ITFG1: variants seen among roughly 807,000 people sequenced by gnomAD.
ITFG1 encodes T-cell immunomodulatory protein.
ITFG1 carries 34 observed loss-of-function variants against 81.8 expected under a neutral mutation model. The ratio of observed to expected loss-of-function variants is 0.42; its 90% CI spans 0.32 to 0.55. The LOEUF (loss-of-function observed/expected upper bound fraction) is 0.55. Among genes scored for constraint, ITFG1 ranks in the 20% least tolerant of loss-of-function variants. The pLI is 0.17. For synonymous variants in ITFG1, 285 were observed against 270.6 expected, an observed-to-expected ratio of 1.05 and a Z score of -0.52; for missense variants, 672 against 755.4, an observed-to-expected ratio of 0.89 and a Z score of 1.29.
At chr16:47,330,943 A>G (rs1010563079) in intron 8 of ITFG1, among the ~76,000 whole-genome samples, 3 of 152,174 alleles carry the variant, frequency 2.0e-5, no homozygotes, top group Non-Finnish European at 4.4e-5. Flanking sequence ...AAAGAGAACT[A>G]CCATTCTACC....
At chr16:47,347,178 G>A (rs1567468646) in intron 8 of ITFG1, among the ~76,000 whole-genome samples, 1 of 152,226 alleles carries the variant, frequency 6.6e-6, no homozygotes, top group Non-Finnish European at 1.5e-5. Flanking sequence ...ATCTCACTGG[G>A]GCTTGTCGGA....
chr16:47,282,733 T>G (rs779850835), intron 10 of ITFG1, among the ~76,000 whole-genome samples: 2 of 152,184 alleles, frequency 1.3e-5, no homozygotes, highest in Admixed American at 1.3e-4. Flanking sequence ...TGGCCCCTTT[T>G]CTCCACATCC....
At chr16:47,187,850 C>T (rs1426663716) in intron 14 of ITFG1, among the ~76,000 whole-genome samples, 13 of 152,170 alleles carry the variant, frequency 8.5e-5, no homozygotes, top group East Asian at 3.9e-4. Context: ...AGAAAATCTT[C>T]GCAACCTACT....
intron 6 of ITFG1, among the ~76,000 whole-genome samples, chr16:47,408,698 A>C (rs1329798484): frequency 6.6e-6 from 1 of 152,192 alleles, no homozygotes; most frequent in East Asian, 1.9e-4. Flanking sequence ...CACAGCTGAG[A>C]TCTTATCTTG....
intron 8 of ITFG1, among the ~76,000 whole-genome samples, chr16:47,353,679 A>G (rs1015525179): frequency 6.6e-6 from 1 of 152,184 alleles, no homozygotes; most frequent in Non-Finnish European, 1.5e-5. Flanking sequence ...TAGAATTAAT[A>G]AATGAATTCA....
In ITFG1 at chr16:47,459,120, T is replaced by C; in HGVS notation, c.264A>G (p.Lys88=). The C allele has an allele frequency of 1.3e-6, 2 of 1,592,954 alleles. No homozygotes were observed. Among genetic ancestry groups the C allele is most frequent in the Non-Finnish European group, 1.7e-6 (2 of 1,161,028 alleles). The change falls in exon 2 of 18, where the codon AAA becomes AAG. Residue 88 remains lysine (K), a synonymous_variant. Coordinates refer to ENST00000320640, the MANE Select transcript of ITFG1 (RefSeq NM_030790.5). ...GTACTTACTTGAAAGATACCTTTAC[T>C]TTGGGTTTAAAATAGGGTGCATTCT... ...ADQNAPYFKP[K]VKVSFKNHSA...
Position 47,443,596 on chromosome 16 carries a change from TG to T in ITFG1, c.560+7799del, listed in dbSNP as rs754823244. Among the ~76,000 whole-genome samples the T allele has an allele frequency of 2.0e-5, 3 of 152,246 alleles. No individual in the cohort carries two copies. In the South Asian group the frequency reaches 6.2e-4, roughly 32 times the overall value. On this transcript the variant is annotated intron_variant, in intron 5 of 17. Coordinates refer to ENST00000320640, the MANE Select transcript of ITFG1 (RefSeq NM_030790.5). ...AAAAATGATGAGTTCATGTCCTTTG[TG>T]GGGACATGGATGAAGCTGGAAACCA...
intron 8 of ITFG1, among the ~76,000 whole-genome samples, chr16:47,361,812 G>A (rs1968113306): frequency 6.6e-6 from 1 of 152,086 alleles, no homozygotes; most frequent in Non-Finnish European, 1.5e-5. Context: ...ATCTGCCGAT[G>A]GTTTCTGACC....
chr16:47,336,689 C>T (rs1013552043), intron 8 of ITFG1, among the ~76,000 whole-genome samples: 2 of 152,122 alleles, frequency 1.3e-5, no homozygotes, highest in African/African-American at 4.8e-5. Flanking sequence ...AGGGGTCGGG[C>T]ATGGTGGCTC....
chr16:47,273,695 T>C (rs1966367167), intron 10 of ITFG1, among the ~76,000 whole-genome samples: 2 of 152,200 alleles, frequency 1.3e-5, no homozygotes, highest in Admixed American at 1.3e-4. Flanking sequence ...AATATAACAC[T>C]GTGACTGCTG....
intron 2 of ITFG1, among the ~76,000 whole-genome samples, chr16:47,454,583 A>C (rs1969428996): frequency 6.6e-6 from 1 of 152,150 alleles, no homozygotes. Context: ...TTTAGTTTGG[A>C]TTTTAACATA....
At chr16:47,272,553 G>A (rs1467340557) in intron 10 of ITFG1, among the ~76,000 whole-genome samples, 4 of 151,924 alleles carry the variant, frequency 2.6e-5, no homozygotes, top group East Asian at 1.9e-4. Flanking sequence ...GCGCCACCAC[G>A]CCCAGCTAAT....
At chr16:47,202,256 T>G (rs990569026) in intron 14 of ITFG1, 2 of 152,206 alleles carry the variant, frequency 1.3e-5, no homozygotes, top group Non-Finnish European at 2.9e-5. Context: ...AGGGGTAAAT[T>G]ATCTCTTTCA....
intron 6 of ITFG1, among the ~76,000 whole-genome samples, chr16:47,403,856 G>A (rs1356877334): frequency 6.6e-6 from 1 of 150,412 alleles, no homozygotes; most frequent in Non-Finnish European, 1.5e-5. Context: ...CTAGGTCAGG[G>A]GTCCCTAACC....
intron 5 of ITFG1, among the ~76,000 whole-genome samples, chr16:47,447,486 A>G (rs1969338719): frequency 6.6e-6 from 1 of 152,198 alleles, no homozygotes; most frequent in Non-Finnish European, 1.5e-5. Flanking sequence ...ATAAAGCAGT[A>G]TAAGTCACCA....
chr16:47,186,980 G>A (rs966502949), intron 14 of ITFG1, among the ~76,000 whole-genome samples: 11 of 152,060 alleles, frequency 7.2e-5, no homozygotes, highest in African/African-American at 2.4e-4. Flanking sequence ...GACAAACAGA[G>A]AGCCAAATCA....
At chr16:47,378,038 T>G (rs550881263) in intron 6 of ITFG1, among the ~76,000 whole-genome samples, 3 of 152,330 alleles carry the variant, frequency 2.0e-5, no homozygotes, top group Admixed American at 6.5e-5. Context: ...GTACTAAGTA[T>G]GTTTAAAAGG....
intron 10 of ITFG1, among the ~76,000 whole-genome samples, chr16:47,310,169 G>A (rs552845724): frequency 6.6e-6 from 1 of 152,244 alleles, no homozygotes; most frequent in African/African-American, 2.4e-5. Context: ...GAAAGTTAAC[G>A]TACAGACTCT....
At chr16:47,375,786 C>G (rs780731841) in intron 7 of ITFG1, 90 bp downstream of exon 7, 118 of 833,140 alleles carry the variant, frequency 1.4e-4, no homozygotes, top group Non-Finnish European at 2.3e-4. Context: ...TTGAAATCAA[C>G]CAAGTGATTA....
Sources: allele counts gnomAD v4.1 joint callset (sites outside exome capture counted in the v4.1 genomes callset), GRCh38; gene constraint gnomAD v4.1.1; transcripts MANE v1.5; gene names NCBI Gene and HGNC (gene_info 2026-07-23, HGNC 2026-07-21).